The following COL6A6 variants were observed in gnomAD, a reference collection of about 807,000 sequenced individuals.
The protein encoded by COL6A6 is collagen type VI alpha 6 chain, also known as collagen alpha-6(VI) chain.
COL6A6 carries 183 observed loss-of-function variants against 208.6 expected under a neutral mutation model. That is an observed-to-expected ratio of 0.88 (90% CI 0.78 to 0.99). The LOEUF is 0.99. Among genes scored for constraint, COL6A6 ranks in the 50% least tolerant of loss-of-function variants. The pLI is 0.00. For synonymous variants in COL6A6, 973 were observed against 1,011.8 expected, an observed-to-expected ratio of 0.96 and a Z score of 0.73; for missense variants, 2,816 against 2,815.2, an observed-to-expected ratio of 1.00 and a Z score of -0.01.
chr3:130,634,323 A>G (rs1248477512), intron 26 of COL6A6, among the ~76,000 whole-genome samples: 2 of 151,842 alleles, frequency 1.3e-5, no homozygotes, highest in Admixed American at 6.6e-5. Flanking sequence ...TGCATACAAA[A>G]GAAGGAAAGC....
rs551784485 is a variant in COL6A6 at position 130,565,753 on chromosome 3, A to G, written c.1282+139A>G. On this transcript the variant is annotated intron_variant, in intron 4 of 36. Transcript: ENST00000358511. Reference sequence around the variant, plus strand: ...CTAATTCTTTTACTTGAGCTTGAAAATATGAAGCCTAATTTGGGGACAATA... The same window carrying G: ...CTAATTCTTTTACTTGAGCTTGAAAGTATGAAGCCTAATTTGGGGACAATA... 33 of 1,067,212 alleles carry G rather than the reference A, an allele frequency of 3.1e-5. No individual in the cohort carries two copies. In the East Asian group the frequency reaches 8.2e-4, roughly 26 times the overall value. 66.1% of individuals were successfully genotyped at this position (1,067,212 alleles called of 1,614,324 possible).
chr3:130,653,788 G>A (rs889784323), intron 33 of COL6A6, among the ~76,000 whole-genome samples: 1 of 152,094 alleles, frequency 6.6e-6, no homozygotes, highest in Non-Finnish European at 1.5e-5. Flanking sequence ...AGACTTTATT[G>A]ACTGAAAGAT....
intron 6 of COL6A6, among the ~76,000 whole-genome samples, chr3:130,570,505 A>AT (rs1036018855): frequency 3.3e-4 from 51 of 152,296 alleles, no homozygotes; most frequent in African/African-American, 1.2e-3. Context: ...CACAGAATTG[A>AT]TTTTTTTAGT....
In COL6A6 at chr3:130,571,180, G is replaced by A; in HGVS notation, c.2764G>A (p.Glu922Lys). 1 of 1,613,468 alleles carries A rather than the reference G, an allele frequency of 6.2e-7. No individual in the cohort carries two copies. Among genetic ancestry groups the A allele is most frequent in the Non-Finnish European group, 8.5e-7 (1 of 1,179,600 alleles). Residue 922 changes from glutamate to lysine, a missense_variant, in exon 7 of 37, where the codon GAA (glutamate) becomes AAA (lysine). Physicochemically the swap from Glu to Lys is moderately conservative, Grantham distance 56. Coordinates refer to ENST00000358511, the MANE Select transcript of COL6A6 (RefSeq NM_001102608.3). ...PQVLIVITDG[E>K]SHDADKLNAT... is the part of the protein sequence containing the mutation. The stretch of plus-strand genomic sequence containing the variant: ...AGTCCTCATTGTGATCACCGATGGG[G>A]AATCCCATGATGCTGATAAACTCAA...
intron 22 of COL6A6, among the ~76,000 whole-genome samples, chr3:130,609,232 G>C (rs973265290): frequency 6.6e-6 from 1 of 152,214 alleles, no homozygotes; most frequent in Non-Finnish European, 1.5e-5. Context: ...AGATATTCCA[G>C]GGAGAGCTTG....
chr3:130,622,514 A>G (rs2064757012), intron 24 of COL6A6, among the ~76,000 whole-genome samples: 1 of 152,182 alleles, frequency 6.6e-6, no homozygotes, highest in Non-Finnish European at 1.5e-5. Context: ...GGAGTTTTAA[A>G]TGGCATTATT....
chr3:130,568,404 C>T lies in COL6A6; in HGVS notation c.2201C>T (p.Ala734Val). 1 of 1,613,976 alleles carries T rather than the reference C, an allele frequency of 6.2e-7. No homozygotes were observed. The highest frequency in any genetic ancestry group is 1.3e-5 in the African/African-American group (1 of 75,026). Residue 734 changes from alanine to valine, a missense_variant, in exon 6 of 37, where the codon GCT becomes GTT. By Grantham distance (64) the Ala-to-Val change is moderately conservative. Coordinates refer to ENST00000358511, the MANE Select transcript of COL6A6 (RefSeq NM_001102608.3). ...KFLILITDGE[A>V]QDIVKEPAVV... ...CTCATCCTCATCACGGATGGTGAAG[C>T]TCAGGACATAGTAAAGGAACCAGCA...
intron 32 of COL6A6, among the ~76,000 whole-genome samples, chr3:130,647,402 C>T (rs2065493426): frequency 1.3e-5 from 2 of 152,070 alleles, no homozygotes; most frequent in Non-Finnish European, 1.5e-5. Context: ...GTGCAAATAA[C>T]CACCCCCCAA....
intron 21 of COL6A6, among the ~76,000 whole-genome samples, chr3:130,607,958 T>C (rs1202512949): frequency 6.6e-6 from 1 of 152,190 alleles, no homozygotes; most frequent in African/African-American, 2.4e-5. Flanking sequence ...GCAGATTCAG[T>C]GTCTAGTGAG....
chr3:130,560,224 C>T (rs368466635), intron 1 of COL6A6, 110 bp from the exon 2 acceptor site: 4 of 589,052 alleles, frequency 6.8e-6, no homozygotes, highest in African/African-American at 3.8e-5. Context: ...TCAGAAATTC[C>T]TTGTCCCCTG....
intron 24 of COL6A6, among the ~76,000 whole-genome samples, chr3:130,625,831 T>C (rs1426458726): frequency 2.3e-4 from 35 of 152,212 alleles, no homozygotes; most frequent in Admixed American, 2.3e-3. Flanking sequence ...ATGCAACTAG[T>C]GTAATGTAAT....
intron 23 of COL6A6, among the ~76,000 whole-genome samples, chr3:130,619,564 G>A (rs1306939594): frequency 7.9e-5 from 12 of 152,192 alleles, no homozygotes; most frequent in Non-Finnish European, 2.9e-5. Context: ...AGACAAAGTG[G>A]TAACATCAGC....
intron 7 of COL6A6, among the ~76,000 whole-genome samples, chr3:130,571,791 C>T (rs2063173306): frequency 6.6e-6 from 1 of 151,136 alleles, no homozygotes; most frequent in South Asian, 2.1e-4. Context: ...CATCCTGCCT[C>T]TGCCTCCCCA....
intron 1 of COL6A6, among the ~76,000 whole-genome samples, chr3:130,541,660 T>G (rs892482344): frequency 2.0e-5 from 3 of 152,212 alleles, no homozygotes; most frequent in Non-Finnish European, 4.4e-5. Context: ...AGGTTTGTAG[T>G]GGTACCTTGT....
Position 130,528,998 on chromosome 3 carries a change from G to A in COL6A6, c.-32+11601G>A, listed in dbSNP as rs546225885. On this transcript the variant is annotated intron_variant, in intron 1 of 36. Transcript: ENST00000358511. ...CCAGCAACTTGGGAGGCTGAGGCAC[G>A]AGAATGGCGTGAACCCGGGAGCTGG... 3.9e-5 allele frequency among the ~76,000 whole-genome samples: 6 copies of A among 152,272 alleles called. No homozygotes were observed. The East Asian group carries it at 5.8e-4, about 15-fold the overall frequency.
rs754344082 is a variant in COL6A6, at chr3:130,594,333, G to A, written c.4523G>A (p.Arg1508Gln). ...TPGDRGAKGL[R>Q]GDPGAPGVDS... ...GGTGACCGTGGAGCAAAGGGCCTGC[G>A]AGGGGATCCCGTAAGTGCACGGGCT... Residue 1508 changes from arginine to glutamine, a missense_variant, in exon 18 of 37, where the codon CGA (arginine) becomes CAA (glutamine). Physicochemically the swap from Arg to Gln is conservative, Grantham distance 43. Transcript: ENST00000358511. 8 of 1,613,196 alleles carry A rather than the reference G, an allele frequency of 5.0e-6. No individual in the cohort carries two copies. Among genetic ancestry groups the A allele is most frequent in the African/African-American group, 1.3e-5 (1 of 74,876 alleles).
At chr3:130,642,409 CTCAG>C (rs1178628313) in intron 29 of COL6A6, among the ~76,000 whole-genome samples, 2 of 152,098 alleles carry the variant, frequency 1.3e-5, no homozygotes, top group African/African-American at 2.4e-5. Context: ...TGTTCAGTGG[CTCAG>C]TCAAAGAATG....
intron 24 of COL6A6, among the ~76,000 whole-genome samples, chr3:130,624,994 T>G (rs947691240): frequency 1.3e-5 from 2 of 152,234 alleles, no homozygotes; most frequent in Admixed American, 1.3e-4. Flanking sequence ...TTTCCTTGTT[T>G]CCTTACCATA....
intron 4 of COL6A6, among the ~76,000 whole-genome samples, 181 bp from the exon 5 acceptor site, chr3:130,566,521 G>A (rs2063026703): frequency 6.6e-6 from 1 of 152,210 alleles, no homozygotes; most frequent in Admixed American, 6.5e-5. Context: ...AGTGTCAGAA[G>A]CGATTCATTT....
Sources: allele counts gnomAD v4.1 joint callset (sites outside exome capture counted in the v4.1 genomes callset), GRCh38; gene constraint gnomAD v4.1.1; transcripts MANE v1.5; gene names NCBI Gene and HGNC (gene_info 2026-07-23, HGNC 2026-07-21).